ATP8B4: variants seen among roughly 807,000 people sequenced by gnomAD.
ATP8B4 encodes the protein probable phospholipid-transporting ATPase IM.
Under a neutral mutation model 145.6 loss-of-function variants are expected in ATP8B4, and 133 were observed. The observed-to-expected ratio is 0.91, with a 90% CI of 0.79 to 1.05. The LOEUF (loss-of-function observed/expected upper bound fraction) is 1.05, where lower values mean the gene tolerates loss of function less well. Among genes scored for constraint, ATP8B4 ranks in the 50% least tolerant of loss-of-function variants. The pLI, the probability that ATP8B4 is intolerant of heterozygous loss-of-function variation, is 0.00. For synonymous variants in ATP8B4, 507 were observed against 492.9 expected, an observed-to-expected ratio of 1.03 and a Z score of -0.38; for missense variants, 1,458 against 1,425.2, an observed-to-expected ratio of 1.02 and a Z score of -0.37.
At chr15:49,860,610 AACT>A in intron 27 of ATP8B4, 135 bp from the exon 28 acceptor site, 2 of 1,096,666 alleles carry the variant, frequency 1.8e-6, no homozygotes, top group Non-Finnish European at 2.5e-6. Flanking sequence ...TAAATCTAAA[AACT>A]AAGAAATTTT....
rs1371588172 is a variant in ATP8B4 at position 50,160,316 on chromosome 15, T to C, written c.-43+21945A>G. Among the ~76,000 whole-genome samples the C allele has an allele frequency of 2.0e-5, 3 of 151,852 alleles. No individual in the cohort carries two copies. In the South Asian group the frequency reaches 6.2e-4, roughly 31 times the overall value. On this transcript the variant is annotated intron_variant, in intron 1 of 3. Transcript: ENST00000558829. Reference sequence around the variant, plus strand: ...TTAGTCTGGCTAAAGATTTGTGAATTTTATCTTTTCGAAAAAATTTCATTT... The same window carrying C: ...TTAGTCTGGCTAAAGATTTGTGAATCTTATCTTTTCGAAAAAATTTCATTT...
intron 9 of ATP8B4, among the ~76,000 whole-genome samples, chr15:49,988,590 A>G (rs1323424330): frequency 6.6e-6 from 1 of 152,106 alleles, no homozygotes; most frequent in Non-Finnish European, 1.5e-5. Context: ...ACAAAAATAC[A>G]TTTACATTTA....
intron 2 of ATP8B4, among the ~76,000 whole-genome samples, chr15:50,086,674 A>C (rs2055128791): frequency 9.0e-6 from 1 of 110,954 alleles, no homozygotes; most frequent in Non-Finnish European, 1.6e-5. Flanking sequence ...ATCTATATTT[A>C]TTATATATAA....
At chr15:49,956,258 A>G (rs1304567430) in intron 14 of ATP8B4, among the ~76,000 whole-genome samples, 1 of 152,216 alleles carries the variant, frequency 6.6e-6, no homozygotes, top group African/African-American at 2.4e-5. Context: ...TTATCCAAGT[A>G]TATGAGATGA....
At chr15:49,968,283 C>T (rs752710965) in intron 13 of ATP8B4, among the ~76,000 whole-genome samples, 1 of 152,274 alleles carries the variant, frequency 6.6e-6, no homozygotes, top group South Asian at 2.1e-4. Flanking sequence ...CAATATTAAC[C>T]TTAAATGTAA....
At chr15:50,113,342 C>T (rs1431897033) in intron 1 of ATP8B4, 1 of 152,212 alleles carries the variant, frequency 6.6e-6, no homozygotes, top group East Asian at 1.9e-4. Flanking sequence ...AAGGAACAAG[C>T]CCAGGCTTCT....
At chr15:50,023,778 G>A (rs1233876275) in intron 6 of ATP8B4, among the ~76,000 whole-genome samples, 8 of 26,512 alleles carry the variant, frequency 3.0e-4, no homozygotes, top group Non-Finnish European at 5.8e-4. Flanking sequence ...GAGACCAAAG[G>A]CAAAAAAAAA....
At chr15:49,954,503 C>T (rs912721553) in intron 14 of ATP8B4, among the ~76,000 whole-genome samples, 52 of 152,012 alleles carry the variant, frequency 3.4e-4, no homozygotes, top group African/African-American at 1.2e-3. Flanking sequence ...AATATTCCTA[C>T]TAAAAAGTCA....
At chr15:49,936,675 TG>T (rs1295960125) in intron 14 of ATP8B4, among the ~76,000 whole-genome samples, 1 of 152,160 alleles carries the variant, frequency 6.6e-6, no homozygotes, top group Non-Finnish European at 1.5e-5. Context: ...TTGGAAGATT[TG>T]GGGAAGTTCT....
chr15:50,179,299 G>T (rs1290416310), intron 1 of ATP8B4, among the ~76,000 whole-genome samples: 1 of 152,138 alleles, frequency 6.6e-6, no homozygotes, highest in Non-Finnish European at 1.5e-5. Context: ...TAGACCAGAG[G>T]TTCCCAAGAG....
intron 1 of ATP8B4, among the ~76,000 whole-genome samples, chr15:50,141,735 G>A (rs190706396): frequency 5.9e-5 from 9 of 152,270 alleles, no homozygotes; most frequent in Admixed American, 5.9e-4. Context: ...TTTATGGCAT[G>A]TAAATTATAC....
intron 6 of ATP8B4, among the ~76,000 whole-genome samples, chr15:50,029,653 T>C (rs537681915): frequency 6.6e-6 from 1 of 152,212 alleles, no homozygotes; most frequent in South Asian, 2.1e-4. Flanking sequence ...ACCATGACAG[T>C]AGGACGTGGT....
intron 3 of ATP8B4, among the ~76,000 whole-genome samples, chr15:50,048,398 G>A (rs1183019022): frequency 6.6e-6 from 1 of 152,104 alleles, no homozygotes; most frequent in Admixed American, 6.5e-5. Context: ...AATGTCGTTA[G>A]CTACATGCTA....
intron 3 of ATP8B4, among the ~76,000 whole-genome samples, chr15:50,048,799 A>G (rs923273878): frequency 3.3e-5 from 5 of 152,180 alleles, no homozygotes; most frequent in African/African-American, 1.2e-4. Context: ...GGAAATTCCA[A>G]AGAGATATGT....
At position 50,074,129 on chromosome 15, in the gene ATP8B4, C is replaced by T. The variant is rs1020842314; in HGVS notation, c.85G>A (p.Ala29Thr). The change falls in exon 3 of 28, where the codon GCG (alanine) becomes ACG (threonine). Residue 29 changes from alanine (A) to threonine (T), a missense_variant and splice_region_variant. Transcript: ENST00000284509. The stretch of plus-strand genomic sequence containing the variant: ...TGTGTTATGTGTGTTTCACTTACCG[C>T]ATACTGGAACTTTTCATTATATTCA... Reference protein sequence around the residue: ...DREYNEKFQYADNRIHTSKYN... With the variant: ...DREYNEKFQYTDNRIHTSKYN... 1 of 1,612,038 alleles carries T rather than the reference C, an allele frequency of 6.2e-7. No homozygotes were observed. The highest frequency in any genetic ancestry group is 1.3e-5 in the African/African-American group (1 of 74,852).
intron 2 of ATP8B4, among the ~76,000 whole-genome samples, chr15:50,084,675 A>G (rs2054778669): frequency 6.6e-6 from 1 of 152,184 alleles, no homozygotes; most frequent in South Asian, 2.1e-4. Context: ...TTACAGGGCT[A>G]AAATTAAGGT....
intron 6 of ATP8B4, among the ~76,000 whole-genome samples, chr15:50,026,031 A>G (rs1368181302): frequency 6.6e-6 from 1 of 152,236 alleles, no homozygotes; most frequent in African/African-American, 2.4e-5. Context: ...AATACAATTT[A>G]TCTCCACTGT....
intron 25 of ATP8B4, among the ~76,000 whole-genome samples, chr15:49,875,398 A>C (rs969952367): frequency 6.6e-6 from 1 of 152,222 alleles, no homozygotes; most frequent in African/African-American, 2.4e-5. Context: ...TGGAAGGAGA[A>C]TCCAGAGAAT....
rs150080476 is a variant in ATP8B4, at chr15:49,991,187, A to AT, written c.590-3639dup. Among the ~76,000 whole-genome samples the AT allele has an allele frequency of 5.9e-3, 894 of 152,094 alleles. 7 individuals carry two copies. The highest frequency in any genetic ancestry group is 0.02 in the African/African-American group (844 of 41,532). ...AAACTCACAAGATGCTAACCAAGCT[A>AT]TTTTTTTTAACCAAAAAGAGATGCT... On this transcript the variant is annotated intron_variant, in intron 9 of 27. Transcript: ENST00000284509.
Sources: gnomAD v4.1 joint callset for allele counts (sites outside exome capture counted in the v4.1 genomes callset) on GRCh38, gnomAD v4.1.1 for gene constraint, MANE v1.5 for transcripts, NCBI Gene and HGNC (gene_info 2026-07-23, HGNC 2026-07-21) for gene names.